ZNF17: variants seen among roughly 807,000 people sequenced by gnomAD.
ZNF17 encodes zinc finger protein 17.
A neutral mutation model predicts 7.7 loss-of-function variants in ZNF17; 4 were observed. The ratio of observed to expected loss-of-function variants is 0.52; its 90% CI spans 0.26 to 1.20. The LOEUF (loss-of-function observed/expected upper bound fraction) is 1.20. Among genes scored for constraint, ZNF17 ranks in the 50% most tolerant of loss-of-function variants. The pLI, the probability that ZNF17 is intolerant of heterozygous loss-of-function variation, is 0.14. For synonymous variants in ZNF17, 249 were observed against 258.8 expected (o/e 0.96, Z 0.36); for missense variants, 738 against 799.5 (o/e 0.92, Z 0.93).
chr19:57,419,476 C>A, intron 3 of ZNF17, 159 bp from the exon 4 acceptor site: 1 of 723,802 alleles, frequency 1.4e-6, no homozygotes, highest in Non-Finnish European at 2.2e-6. Flanking sequence ...TCTGTCAGTC[C>A]CGGTTCTGCC....
rs1270262994 is a variant in ZNF17 at position 57,420,149 on chromosome 19, G to A, written c.663G>A (p.Glu221=). 2 of 1,613,592 alleles carry A rather than the reference G, an allele frequency of 1.2e-6. No individual in the cohort carries two copies. Among genetic ancestry groups the A allele is most frequent in the Non-Finnish European group, 8.5e-7 (1 of 1,179,470 alleles). ...QKIHTEERPY[E]CSECGKLFRY... The stretch of plus-strand genomic sequence containing the variant: ...TCCACACAGAGGAAAGGCCTTATGA[G>A]TGCAGTGAATGTGGCAAATTGTTTA... The change falls in exon 4 of 4, where the codon GAG becomes GAA. Residue 221 remains glutamate (E), a synonymous_variant. Transcript: ENST00000307658.
intron 1 of ZNF17, 21 bp downstream of exon 1, chr19:57,411,427 C>A (rs767034338): frequency 1.2e-6 from 2 of 1,608,934 alleles, no homozygotes; most frequent in Non-Finnish European, 1.7e-6. Context: ...CGTCCCAGGG[C>A]GCCCCGCCCG....
Position 57,417,960 on chromosome 19 carries a change from T to C in ZNF17, c.70T>C (p.Trp24Arg). 2 of 1,611,996 alleles carry C rather than the reference T, an allele frequency of 1.2e-6. No homozygotes were observed. Among genetic ancestry groups the C allele is most frequent in the Non-Finnish European group, 1.7e-6 (2 of 1,179,578 alleles). Residue 24 changes from tryptophan to arginine, a missense_variant, in exon 3 of 4, where the codon TGG becomes CGG. By Grantham distance (101) the Trp-to-Arg change is moderately radical. Around this residue, in one of 3 missense-constraint regions of ZNF17, gnomAD observed 616 missense variants for 663.9 expected, o/e 0.93. Transcript: ENST00000307658. The part of the protein sequence containing the change: ...DVAIHFSQEE[W>R]GILNDVQRHL... ...GGCCATACATTTCTCCCAGGAGGAGTGGGGAATTCTTAATGACGTTCAGAG... is the reference window on the plus strand; with the variant it reads ...GGCCATACATTTCTCCCAGGAGGAGCGGGGAATTCTTAATGACGTTCAGAG...
intron 1 of ZNF17, among the ~76,000 whole-genome samples, chr19:57,412,988 C>T (rs1481388576): frequency 6.6e-6 from 1 of 151,914 alleles, no homozygotes; most frequent in Non-Finnish European, 1.5e-5. Flanking sequence ...AGCGATTCTC[C>T]TACCTCAGCC....
At chr19:57,419,420 A>G (rs2088832400) in intron 3 of ZNF17, 1 of 534,108 alleles carries the variant, frequency 1.9e-6, no homozygotes, top group Admixed American at 3.2e-5. Flanking sequence ...GCACTGTACC[A>G]CTCCCTATGT....
Position 57,421,457 on chromosome 19 carries a change from GC to G in ZNF17, c.1972del (p.His658ThrfsTer34), listed in dbSNP as rs1185529968. 5 of 1,608,874 alleles carry G rather than the reference GC, an allele frequency of 3.1e-6. No individual in the cohort carries two copies. The highest frequency in any genetic ancestry group is 4.2e-6 in the Non-Finnish European group (5 of 1,177,236). ...TTAACCAAAATTCTCATCTCATTCA[GC>G]ACCAGAAAGTTCACACCAGATAAAG... Reference protein sequence around the residue: ...VFNQNSHLIQHQKVHTR With the variant: ...VFNQNSHLIQXQKVHTR On this transcript the variant is annotated frameshift_variant, in exon 4 of 4. Transcript: ENST00000307658. LOFTEE classifies it high-confidence loss of function.
chr19:57,414,713 CT>C (rs567091200), intron 2 of ZNF17, among the ~76,000 whole-genome samples: 2,114 of 136,802 alleles, frequency 0.015, 24 homozygotes, highest in Admixed American at 0.04. Context: ...GACCTAGATT[CT>C]TTTTTTTTTT....
chr19:57,419,249 T>C (rs1432834402), intron 3 of ZNF17: 2 of 184,914 alleles, frequency 1.1e-5, no homozygotes, highest in Non-Finnish European at 2.3e-5. Flanking sequence ...TGTTGTGAGG[T>C]CTGGATGTAT....
At chr19:57,414,413 C>T (rs1600093401) in intron 2 of ZNF17, among the ~76,000 whole-genome samples, 5 of 151,290 alleles carry the variant, frequency 3.3e-5, no homozygotes, top group African/African-American at 7.3e-5. Context: ...CGGATCATTG[C>T]GACCTCTGTC....
Position 57,420,539 on chromosome 19 carries a change from GA to G in ZNF17, c.1056del (p.Val353PhefsTer107), listed in dbSNP as rs1432983477. On this transcript the variant is annotated frameshift_variant, in exon 4 of 4. Coordinates refer to ENST00000307658, the MANE Select transcript of ZNF17 (RefSeq NM_001330617.2). LOFTEE classifies it low-confidence loss of function (END_TRUNC). ...ACAGTTCAGCACTCATTAGACATCA[GA>G]AAGTTCACACTGGAGAAAGGCCTTT... ...MYSSALIRHQ[K>X]VHTGERPFYC... 6.2e-7 allele frequency: 1 copy of G among 1,614,084 alleles called. No homozygotes were observed. The highest frequency in any genetic ancestry group is 1.3e-5 in the African/African-American group (1 of 74,942).
At chr19:57,413,408 C>T (rs1463275235) in intron 1 of ZNF17, 188 bp from the exon 2 acceptor site, 2 of 575,736 alleles carry the variant, frequency 3.5e-6, no homozygotes, top group African/African-American at 3.7e-5. Context: ...TCCTTTTAAT[C>T]TCTATTTTAC....
chr19:57,420,425 C>T lies in ZNF17; in HGVS notation c.939C>T (p.Phe313=). The stretch of plus-strand genomic sequence containing the variant: ...TGTGTAGTGAATGTGGGAAGGCCTT[C>T]CTTACACAGGCTCACCTTGTTGGTC... The part of the protein sequence containing the change: ...PYVCSECGKA[F]LTQAHLVGHQ... The change falls in exon 4 of 4, where the codon TTC becomes TTT. Residue 313 remains phenylalanine, a synonymous_variant. Transcript: ENST00000307658. 8 of 1,613,656 alleles carry T rather than the reference C, an allele frequency of 5.0e-6. No homozygotes were observed. The highest frequency in any genetic ancestry group is 6.8e-6 in the Non-Finnish European group (8 of 1,179,914).
In ZNF17 at chr19:57,420,845, T is replaced by A. The variant is rs1445721050; in HGVS notation, c.1359T>A (p.Phe453Leu). The change falls in exon 4 of 4, where the codon TTT (phenylalanine) becomes TTA (leucine). Residue 453 changes from phenylalanine (F) to leucine (L), a missense_variant. By Grantham distance (22) the Phe-to-Leu change is conservative. Around this residue, in one of 3 missense-constraint regions of ZNF17, gnomAD observed 616 missense variants for 663.9 expected, o/e 0.93. Coordinates refer to ENST00000307658, the MANE Select transcript of ZNF17 (RefSeq NM_001330617.2). Reference protein sequence around the residue: ...PYECNKCGKFFRYCFTLNRHQ... With the variant: ...PYECNKCGKFLRYCFTLNRHQ... ...AATGCAACAAATGTGGGAAATTCTT[T>A]AGGTATTGCTTCACACTGAATAGAC... is the stretch of plus-strand genomic sequence containing the variant. 2 of 1,614,078 alleles carry A rather than the reference T, an allele frequency of 1.2e-6. No individual in the cohort carries two copies. Among genetic ancestry groups the A allele is most frequent in the Non-Finnish European group, 1.7e-6 (2 of 1,180,050 alleles).
In ZNF17 at chr19:57,420,314, T is replaced by C. The variant is rs112555181; in HGVS notation, c.828T>C (p.Tyr276=). Residue 276 remains tyrosine (Y), a synonymous_variant, in exon 4 of 4, where the codon TAT becomes TAC. Transcript: ENST00000307658. ...AAATTCACACTGGAGAAAGGCCTTA[T>C]GAGTGCAGTGAATGTGGGAAAGCTT... ...HQKIHTGERP[Y]ECSECGKAFL... is the part of the protein sequence containing the mutation. The C allele has an allele frequency of 2.7e-3, 4,291 of 1,614,228 alleles. 18 individuals are homozygous for C. The highest frequency in any genetic ancestry group is 3.2e-3 in the Non-Finnish European group (3,835 of 1,180,032).
chr19:57,416,634 C>T (rs1568537917), intron 2 of ZNF17, among the ~76,000 whole-genome samples: 1 of 152,078 alleles, frequency 6.6e-6, no homozygotes, highest in South Asian at 2.1e-4. Flanking sequence ...CTCAGCCTCC[C>T]GAGTAGCTGG....
At chr19:57,414,812 G>A (rs548337628) in intron 2 of ZNF17, among the ~76,000 whole-genome samples, 1 of 151,398 alleles carries the variant, frequency 6.6e-6, no homozygotes, top group African/African-American at 2.4e-5. Context: ...CTGGGTTCAC[G>A]CCATTCTCCT....
chr19:57,416,706 T>C (rs986716765), intron 2 of ZNF17, among the ~76,000 whole-genome samples: 1 of 152,000 alleles, frequency 6.6e-6, no homozygotes, highest in Non-Finnish European at 1.5e-5. Context: ...GATGGGGTTT[T>C]ACTATCTTGG....
chr19:57,416,228 G>A (rs975734071), intron 2 of ZNF17, among the ~76,000 whole-genome samples: 1 of 152,154 alleles, frequency 6.6e-6, no homozygotes, highest in Non-Finnish European at 1.5e-5. Flanking sequence ...ATGCACTGCA[G>A]GATTTCATGT....
rs543011510 is a variant in ZNF17 at position 57,418,110 on chromosome 19, G to A, written c.148+72G>A. On this transcript the variant is annotated intron_variant, in intron 3 of 3. Transcript: ENST00000307658. Reference sequence around the variant, plus strand: ...TTTCACTTTTTTCCTTGGCATCTCCGTCTCACACCAGGTCATGGATGCTGC... The same window carrying A: ...TTTCACTTTTTTCCTTGGCATCTCCATCTCACACCAGGTCATGGATGCTGC... 2.1e-4 allele frequency: 329 copies of A among 1,559,180 alleles called. 1 individual carries two copies. In the East Asian group the frequency reaches 4.8e-3, roughly 23 times the overall value.
Sources: gnomAD v4.1 joint callset for allele counts (sites outside exome capture counted in the v4.1 genomes callset) on GRCh38, gnomAD v4.1.1 for gene constraint, gnomAD v4.1.1 regional missense constraint, MANE v1.5 for transcripts, NCBI Gene and HGNC (gene_info 2026-07-23, HGNC 2026-07-21) for gene names.